The following CD55 variants were observed in gnomAD, a reference collection of about 807,000 sequenced individuals.
The protein encoded by CD55 is complement decay-accelerating factor.
CD55 carries 41 observed loss-of-function variants against 45.8 expected under a neutral mutation model. That is an observed-to-expected ratio of 0.90 (90% CI 0.70 to 1.16). The LOEUF (loss-of-function observed/expected upper bound fraction) is 1.16, where lower values mean the gene tolerates loss of function less well. Ranked by LOEUF, CD55 falls within the 50% of genes most tolerant of loss-of-function variation. The probability of loss-of-function intolerance (pLI) is 0.00; values close to 1 mark genes in which losing one functional copy is unlikely to be tolerated. For synonymous variants in CD55, 181 were observed against 181.1 expected (o/e 1.00, Z 0.01); for missense variants, 416 against 469.8 (o/e 0.89, Z 1.06).
At chr1:207,336,629 G>A in intron 6 of CD55, 64 bp from the exon 7 acceptor site, 1 of 1,587,024 alleles carries the variant, frequency 6.3e-7, no homozygotes, top group Non-Finnish European at 8.6e-7. Context: ...GCAAGCAATG[G>A]CTAAGAATGT....
intron 2 of CD55, 38 bp downstream of exon 2, chr1:207,322,605 G>A: frequency 2.7e-6 from 4 of 1,507,684 alleles, no homozygotes; most frequent in Non-Finnish European, 3.6e-6. Flanking sequence ...TCTGGGAATG[G>A]AATGTATCTT....
chr1:207,335,688 T>C (rs767506640), intron 6 of CD55, among the ~76,000 whole-genome samples: 14 of 152,102 alleles, frequency 9.2e-5, no homozygotes, highest in Non-Finnish European at 1.9e-4. Context: ...TTTTACTCAA[T>C]TTATCCCTTA....
chr1:207,324,855 G>C (rs1326660168), intron 3 of CD55, 105 bp downstream of exon 3: 10 of 583,934 alleles, frequency 1.7e-5, no homozygotes, highest in Non-Finnish European at 2.6e-5. Flanking sequence ...TTATTATATA[G>C]GATGTTTCTT....
At chr1:207,323,001 G>A (rs2102374676) in intron 2 of CD55, among the ~76,000 whole-genome samples, 1 of 152,144 alleles carries the variant, frequency 6.6e-6, no homozygotes, top group Middle Eastern at 3.4e-3. Context: ...CATATTTATA[G>A]GGTACATGTG....
chr1:207,326,176 A>G (rs916019740), intron 4 of CD55, among the ~76,000 whole-genome samples: 4 of 152,222 alleles, frequency 2.6e-5, no homozygotes, highest in Non-Finnish European at 5.9e-5. Flanking sequence ...TTCTCTGTAT[A>G]GGGAGAAGGA....
chr1:207,339,352 T>A, intron 8 of CD55, 45 bp from the exon 9 acceptor site: 2 of 1,538,006 alleles, frequency 1.3e-6, no homozygotes, highest in Non-Finnish European at 1.8e-6. Flanking sequence ...TCAATGACTT[T>A]AACAAATTTT....
rs758048553 is a variant in CD55 at position 207,351,849 on chromosome 1, C to T, written c.1082-7697C>T. ...GATTTTCTAGAAAACTTTCCTTAGT[C>T]GGCATTCCAGCTTGTGTTAAAAAAT... On this transcript the variant is annotated intron_variant, in intron 9 of 9. Transcript: ENST00000367064. 9.9e-5 allele frequency among the ~76,000 whole-genome samples: 15 copies of T among 152,152 alleles called. No individual in the cohort carries two copies. The South Asian group carries it at 1.4e-3, about 15-fold the overall frequency.
chr1:207,342,682 G>A (rs1655475790), intron 9 of CD55, among the ~76,000 whole-genome samples: 1 of 152,056 alleles, frequency 6.6e-6, no homozygotes, highest in African/African-American at 2.4e-5. Flanking sequence ...TTCTTGTCTG[G>A]TTTTGGTATC....
intron 5 of CD55, among the ~76,000 whole-genome samples, chr1:207,328,244 G>A (rs765205928): frequency 2.1e-4 from 32 of 152,136 alleles, no homozygotes; most frequent in Non-Finnish European, 4.0e-4. Context: ...CTGTGACTCA[G>A]CAACCACTGA....
At chr1:207,353,049 T>TTTG (rs1655934638) in intron 9 of CD55, among the ~76,000 whole-genome samples, 2 of 139,008 alleles carry the variant, frequency 1.4e-5, no homozygotes, top group African/African-American at 2.7e-5. Flanking sequence ...GGTTTTTTTT[T>TTTG]TTTTTTTTTT....
At chr1:207,343,524 A>G (rs1034188200) in intron 9 of CD55, among the ~76,000 whole-genome samples, 1 of 152,070 alleles carries the variant, frequency 6.6e-6, no homozygotes, top group Non-Finnish European at 1.5e-5. Context: ...TAATTCCATT[A>G]TGGTTTGAGA....
At chr1:207,358,532 G>C (rs1377768103) in intron 9 of CD55, 1 of 152,148 alleles carries the variant, frequency 6.6e-6, no homozygotes. Context: ...TAATGCACAT[G>C]AGAGCAACAA....
chr1:207,349,617 A>G (rs768436808), intron 9 of CD55, among the ~76,000 whole-genome samples: 8 of 152,120 alleles, frequency 5.3e-5, no homozygotes, highest in East Asian at 3.9e-4. Context: ...AGCTGTATTC[A>G]TAGGTATTTT....
chr1:207,343,346 G>T (rs971639891), intron 9 of CD55, among the ~76,000 whole-genome samples: 1 of 151,852 alleles, frequency 6.6e-6, no homozygotes, highest in African/African-American at 2.4e-5. Context: ...CACTGCTTTT[G>T]CTATGTCTGA....
chr1:207,326,964 G>T, intron 5 of CD55, 127 bp downstream of exon 5: 1 of 547,708 alleles, frequency 1.8e-6, no homozygotes. Flanking sequence ...ATATATGAGT[G>T]CTTTGCTAAT....
In CD55 at chr1:207,331,143, G is replaced by A; in HGVS notation, c.700G>A (p.Gly234Arg). The A allele has an allele frequency of 6.2e-7, 1 of 1,613,178 alleles. No homozygotes were observed. The highest frequency in any genetic ancestry group is 1.1e-5 in the South Asian group (1 of 90,894). Residue 234 changes from glycine (G) to arginine (R), a missense_variant, in exon 6 of 10, where the codon GGA becomes AGA. Around this residue, in one of 3 missense-constraint regions of CD55, gnomAD observed 182 missense variants for 201.4 expected, o/e 0.90. Transcript: ENST00000367064. ...TCCAGCACCACCACAAATTGACAAT[G>A]GAATAATTCAAGGGGAACGTGACCA... is the stretch of plus-strand genomic sequence containing the variant. ...YCPAPPQIDN[G>R]IIQGERDHYG...
At chr1:207,321,918 A>G in intron 1 of CD55, 53 bp downstream of exon 1, 1 of 1,330,920 alleles carries the variant, frequency 7.5e-7, no homozygotes, top group South Asian at 1.4e-5. Flanking sequence ...GGGAGGTCCA[A>G]GTCGGTCTCT....
intron 9 of CD55, among the ~76,000 whole-genome samples, chr1:207,341,473 C>T (rs1224566727): frequency 6.6e-6 from 1 of 151,964 alleles, no homozygotes; most frequent in East Asian, 1.9e-4. Flanking sequence ...CAGTTTCATT[C>T]TTCTGTATTT....
chr1:207,338,458 T>C (rs1350571981), intron 8 of CD55, among the ~76,000 whole-genome samples: 1 of 152,182 alleles, frequency 6.6e-6, no homozygotes, highest in African/African-American at 2.4e-5. Context: ...GCATCACTTA[T>C]AAATTTGTTA....
Sources: allele counts gnomAD v4.1 joint callset (sites outside exome capture counted in the v4.1 genomes callset), GRCh38; gene constraint gnomAD v4.1.1; regional missense constraint gnomAD v4.1.1; transcripts MANE v1.5; gene names NCBI Gene and HGNC (gene_info 2026-07-23, HGNC 2026-07-21).